The following MTUS2 variants were observed in gnomAD, a reference collection of about 807,000 sequenced individuals.
MTUS2 encodes microtubule-associated tumor suppressor candidate 2.
MTUS2 carries 40 observed loss-of-function variants against 114.1 expected under a neutral mutation model. The ratio of observed to expected loss-of-function variants is 0.35; its 90% CI spans 0.27 to 0.46. MTUS2 has a LOEUF of 0.46. MTUS2 is among the 20% of genes least tolerant of loss of function. The pLI is 1.00. For missense variants in MTUS2, 1,679 were observed against 1,705.4 expected, an observed-to-expected ratio of 0.98 and a Z score of 0.27; for synonymous variants, 688 against 672.0, an observed-to-expected ratio of 1.02 and a Z score of -0.37.
intron 8 of MTUS2, among the ~76,000 whole-genome samples, chr13:29,418,029 T>C (rs1875800252): frequency 6.6e-6 from 1 of 152,190 alleles, no homozygotes; most frequent in South Asian, 2.1e-4. Context: ...TACTCTTTTG[T>C]CTTGCCTACA....
chr13:28,894,618 G>C (rs971598960), intron 2 of MTUS2, among the ~76,000 whole-genome samples: 1 of 152,218 alleles, frequency 6.6e-6, no homozygotes, highest in African/African-American at 2.4e-5. Context: ...TAGGACAACT[G>C]AGGGTTTAAG....
At chr13:28,832,241 T>C (rs1265362760) in intron 1 of MTUS2, among the ~76,000 whole-genome samples, 1 of 152,166 alleles carries the variant, frequency 6.6e-6, no homozygotes, top group Non-Finnish European at 1.5e-5. Context: ...CTGTAGGAAA[T>C]TCTTTAAAAT....
chr13:29,327,718 A>G (rs957339953), intron 7 of MTUS2, among the ~76,000 whole-genome samples: 3 of 152,156 alleles, frequency 2.0e-5, no homozygotes, highest in Admixed American at 2.0e-4. Context: ...TCTTGGTATG[A>G]ACATCTGCTT....
At chr13:28,994,371 T>C (rs535117248) in intron 2 of MTUS2, among the ~76,000 whole-genome samples, 205 of 152,362 alleles carry the variant, frequency 1.3e-3, no homozygotes, top group African/African-American at 4.7e-3. Flanking sequence ...TACGTGTGCA[T>C]GCGTCTTTAT....
At chr13:29,269,614 G>C (rs951849507) in intron 5 of MTUS2, among the ~76,000 whole-genome samples, 1 of 152,148 alleles carries the variant, frequency 6.6e-6, no homozygotes, top group Admixed American at 6.5e-5. Flanking sequence ...GTCGGTGAGC[G>C]TGTAAAATGG....
At chr13:29,314,397 CAAG>C (rs1899900983) in intron 6 of MTUS2, among the ~76,000 whole-genome samples, 2 of 152,026 alleles carry the variant, frequency 1.3e-5, no homozygotes, top group African/African-American at 4.8e-5. Context: ...AAAAGTCAGA[CAAG>C]AAGATGGTTC....
intron 5 of MTUS2, among the ~76,000 whole-genome samples, chr13:29,116,600 A>G (rs188798812): frequency 3.3e-5 from 5 of 152,306 alleles, no homozygotes; most frequent in Admixed American, 2.0e-4. Flanking sequence ...AACAATAATA[A>G]TAAAATAGAT....
intron 8 of MTUS2, among the ~76,000 whole-genome samples, chr13:29,361,310 A>G (rs986578039): frequency 3.3e-5 from 5 of 152,220 alleles, no homozygotes; most frequent in Non-Finnish European, 7.3e-5. Context: ...TTTTCTTTTC[A>G]GTAAATCACA....
At chr13:29,483,328 G>A (rs986562554) in intron 10 of MTUS2, among the ~76,000 whole-genome samples, 4 of 152,306 alleles carry the variant, frequency 2.6e-5, no homozygotes, top group South Asian at 4.1e-4. Context: ...GCTGACCTCC[G>A]GCTTTGCAGC....
chr13:29,169,207 A>G (rs1309598493), intron 5 of MTUS2, among the ~76,000 whole-genome samples: 1 of 152,172 alleles, frequency 6.6e-6, no homozygotes, highest in Non-Finnish European at 1.5e-5. Flanking sequence ...CATTTTATAA[A>G]AGTGAGATTT....
intron 9 of MTUS2, among the ~76,000 whole-genome samples, chr13:29,464,143 G>C (rs1327373153): frequency 6.6e-6 from 1 of 152,240 alleles, no homozygotes; most frequent in Non-Finnish European, 1.5e-5. Flanking sequence ...TCTTGCAGAT[G>C]TGGAAGGTGC....
intron 5 of MTUS2, among the ~76,000 whole-genome samples, chr13:29,218,135 C>G (rs1027502918): frequency 6.7e-6 from 1 of 149,886 alleles, no homozygotes; most frequent in African/African-American, 2.5e-5. Flanking sequence ...AAAACCAAAC[C>G]AAAACAAAAC....
chr13:29,434,359 G>C (rs1185042288), intron 8 of MTUS2, among the ~76,000 whole-genome samples: 3 of 152,084 alleles, frequency 2.0e-5, no homozygotes, highest in Non-Finnish European at 4.4e-5. Context: ...ATATGCTGCT[G>C]CTCTCAGTTT....
intron 5 of MTUS2, among the ~76,000 whole-genome samples, chr13:29,236,492 C>T (rs1454376810): frequency 6.6e-6 from 1 of 152,208 alleles, no homozygotes; most frequent in Non-Finnish European, 1.5e-5. Context: ...CTAATTTTTC[C>T]TAGACAGAAG....
At chr13:29,228,493 T>G (rs548824864) in intron 5 of MTUS2, among the ~76,000 whole-genome samples, 202 of 152,162 alleles carry the variant, frequency 1.3e-3, no homozygotes, top group African/African-American at 4.2e-3. Flanking sequence ...GCTATTTTTT[T>G]TGTTTAATTT....
intron 8 of MTUS2, among the ~76,000 whole-genome samples, chr13:29,393,036 AC>A (rs758869972): frequency 1.6e-4 from 24 of 152,360 alleles, no homozygotes; most frequent in Non-Finnish European, 2.6e-4. Context: ...AGAAATCCAT[AC>A]ATGAGACTGT....
At chr13:28,991,427 G>T (rs1884848210) in intron 2 of MTUS2, among the ~76,000 whole-genome samples, 1 of 150,188 alleles carries the variant, frequency 6.7e-6, no homozygotes, top group Non-Finnish European at 1.5e-5. Flanking sequence ...GGAGTGCAGT[G>T]GTGCGATCTT....
chr13:29,183,598 A>G (rs1894098624), intron 5 of MTUS2, among the ~76,000 whole-genome samples: 1 of 152,194 alleles, frequency 6.6e-6, no homozygotes, highest in East Asian at 1.9e-4. Context: ...ATAGGAAAAG[A>G]GAATGTTCAA....
chr13:28,931,825 C>T (rs2138092215), intron 2 of MTUS2, among the ~76,000 whole-genome samples: 1 of 152,212 alleles, frequency 6.6e-6, no homozygotes, highest in South Asian at 2.1e-4. Flanking sequence ...GCTATCCCTC[C>T]CCGCCTCCCC....
Sources: gnomAD v4.1 joint callset for allele counts (sites outside exome capture counted in the v4.1 genomes callset) on GRCh38, gnomAD v4.1.1 for gene constraint, MANE v1.5 for transcripts, NCBI Gene and HGNC (gene_info 2026-07-23, HGNC 2026-07-21) for gene names.